The following AGBL1 variants were observed in gnomAD, a reference collection of about 807,000 sequenced individuals.
The protein encoded by AGBL1 is AGBL carboxypeptidase 1.
Under a neutral mutation model 118.9 loss-of-function variants are expected in AGBL1, and 130 were observed. That is an observed-to-expected ratio of 1.09 (90% CI 0.95 to 1.26). The LOEUF (loss-of-function observed/expected upper bound fraction) is 1.26. AGBL1 is among the 50% of genes most tolerant of loss of function. The pLI is 0.00. For missense variants in AGBL1, 1,584 were observed against 1,298.1 expected, an observed-to-expected ratio of 1.22 and a Z score of -3.38; for synonymous variants, 555 against 478.9, an observed-to-expected ratio of 1.16 and a Z score of -2.08.
At chr15:86,153,734 TC>T (rs1056488982) in intron 3 of AGBL1, among the ~76,000 whole-genome samples, 36 of 152,336 alleles carry the variant, frequency 2.4e-4, no homozygotes, top group African/African-American at 8.7e-4. Flanking sequence ...TTATGAAAAC[TC>T]TCTCTCATGT....
intron 22 of AGBL1, among the ~76,000 whole-genome samples, chr15:86,809,341 C>T (rs1038987030): frequency 6.6e-6 from 1 of 152,110 alleles, no homozygotes; most frequent in Non-Finnish European, 1.5e-5. Flanking sequence ...ACTTTGATGA[C>T]TCCTTCTACC....
At chr15:86,891,899 T>C (rs1005528236) in intron 22 of AGBL1, among the ~76,000 whole-genome samples, 1 of 152,172 alleles carries the variant, frequency 6.6e-6, no homozygotes, top group African/African-American at 2.4e-5. Flanking sequence ...CATCAACTAA[T>C]TAGGTAAATA....
intron 19 of AGBL1, among the ~76,000 whole-genome samples, chr15:86,535,886 G>T (rs2083419536): frequency 6.6e-6 from 1 of 152,128 alleles, no homozygotes; most frequent in African/African-American, 2.4e-5. Flanking sequence ...TTCCTTAGCA[G>T]TAGCAGAAGA....
At chr15:86,741,979 T>G (rs2077686368) in intron 22 of AGBL1, among the ~76,000 whole-genome samples, 1 of 95,130 alleles carries the variant, frequency 1.1e-5, no homozygotes, top group Non-Finnish European at 2.0e-5. Context: ...CCACTGGAGT[T>G]TTTTTTTTTT....
intron 1 of AGBL1, among the ~76,000 whole-genome samples, chr15:86,090,723 C>G (rs941443119): frequency 2.0e-5 from 3 of 152,090 alleles, no homozygotes; most frequent in Non-Finnish European, 4.4e-5. Context: ...GTGAAATTTA[C>G]CAAACTTTTC....
At chr15:86,865,123 C>T (rs935973155) in intron 22 of AGBL1, among the ~76,000 whole-genome samples, 3 of 152,072 alleles carry the variant, frequency 2.0e-5, no homozygotes, top group Admixed American at 6.5e-5. Flanking sequence ...GTTGGGTGAA[C>T]GGTGAATGAA....
intron 7 of AGBL1, among the ~76,000 whole-genome samples, chr15:86,252,060 C>T (rs2078825184): frequency 6.6e-6 from 1 of 152,138 alleles, no homozygotes; most frequent in African/African-American, 2.4e-5. Flanking sequence ...CTAGATCCTA[C>T]CCCAGAGTTT....
intron 5 of AGBL1, among the ~76,000 whole-genome samples, chr15:86,188,234 C>T (rs964358722): frequency 4.6e-5 from 7 of 152,084 alleles, no homozygotes; most frequent in South Asian, 4.2e-4. Flanking sequence ...GATCTGTTGG[C>T]CCCCCACACT....
chr15:86,468,160 AG>A (rs1297130100), intron 18 of AGBL1, among the ~76,000 whole-genome samples: 2 of 152,084 alleles, frequency 1.3e-5, no homozygotes, highest in Admixed American at 6.6e-5. Flanking sequence ...ATTCACACTA[AG>A]GCCTTGAAGA....
intron 19 of AGBL1, among the ~76,000 whole-genome samples, chr15:86,545,282 G>C (rs982003575): frequency 3.3e-5 from 5 of 152,186 alleles, no homozygotes; most frequent in African/African-American, 7.2e-5. Flanking sequence ...ATTGTGTTTT[G>C]ATGGTCATTC....
At chr15:86,351,587 C>T (rs1034517130) in intron 17 of AGBL1, among the ~76,000 whole-genome samples, 2 of 152,154 alleles carry the variant, frequency 1.3e-5, no homozygotes, top group African/African-American at 4.8e-5. Flanking sequence ...TGCTATAAGT[C>T]TTGCCTTTGG....
At chr15:87,003,901 T>C (rs941147011) in intron 24 of AGBL1, among the ~76,000 whole-genome samples, 3 of 151,910 alleles carry the variant, frequency 2.0e-5, no homozygotes, top group Non-Finnish European at 2.9e-5. Flanking sequence ...TTTGTTGATC[T>C]TTTCAAAAAA....
At chr15:86,166,034 G>T (rs970882511) in intron 5 of AGBL1, among the ~76,000 whole-genome samples, 10 of 152,112 alleles carry the variant, frequency 6.6e-5, no homozygotes, top group African/African-American at 2.2e-4. Context: ...TATTCAAGTT[G>T]TAGGATCTAA....
In AGBL1 at chr15:86,904,745, T is replaced by TATATATATATATATATATATA. The variant is rs1312269188; in HGVS notation, c.3159-2342_3159-2341insATATATATATATATATATATA. Among the ~76,000 whole-genome samples, 10 of 150,782 alleles carry TATATATATATATATATATATA rather than the reference T, an allele frequency of 6.6e-5. No homozygotes were observed. The East Asian group carries it at 1.7e-3, about 26-fold the overall frequency. ...ACACTAAAATTCACAGACATGATAA[T>TATATATATATATATATATATA]TGTGGTATAATCCATATATAAAAAT... is the stretch of plus-strand genomic sequence containing the variant. On this transcript the variant is annotated intron_variant, in intron 22 of 22. Coordinates refer to ENST00000614907, the MANE Select transcript of AGBL1 (RefSeq NM_001386094.1).
chr15:86,861,785 T>C (rs2079562146), intron 22 of AGBL1, among the ~76,000 whole-genome samples: 1 of 152,216 alleles, frequency 6.6e-6, no homozygotes, highest in South Asian at 2.1e-4. Context: ...GTTTGAAATG[T>C]CCAACCCTAA....
chr15:86,334,181 G>T (rs1450726830), intron 17 of AGBL1, among the ~76,000 whole-genome samples: 2 of 152,138 alleles, frequency 1.3e-5, no homozygotes, highest in Admixed American at 6.5e-5. Context: ...CCCAGCCAGA[G>T]CATTCAGGCA....
intron 5 of AGBL1, among the ~76,000 whole-genome samples, chr15:86,197,618 C>T (rs543169117): frequency 6.6e-6 from 1 of 152,114 alleles, no homozygotes; most frequent in Non-Finnish European, 1.5e-5. Context: ...AAGAAATTGA[C>T]AAAGGAATTG....
intron 23 of AGBL1, among the ~76,000 whole-genome samples, chr15:86,976,958 AGCAT>A (rs1478123414): frequency 6.6e-6 from 1 of 151,992 alleles, no homozygotes; most frequent in Admixed American, 6.6e-5. Context: ...CTACATTTGC[AGCAT>A]GTTATATTTT....
At chr15:86,776,280 A>C (rs947369163) in intron 22 of AGBL1, among the ~76,000 whole-genome samples, 2 of 152,160 alleles carry the variant, frequency 1.3e-5, no homozygotes, top group Non-Finnish European at 2.9e-5. Context: ...TATGTCAGCA[A>C]TTGAGAAGCA....
Sources: allele counts gnomAD v4.1 joint callset (sites outside exome capture counted in the v4.1 genomes callset), GRCh38; gene constraint gnomAD v4.1.1; transcripts MANE v1.5; gene names NCBI Gene and HGNC (gene_info 2026-07-23, HGNC 2026-07-21).